The following SUGT1 variants were observed in gnomAD, a reference collection of about 807,000 sequenced individuals.
The protein encoded by SUGT1 is SGT1 assembly cochaperone of MIS12 kinetochore complex, also known as protein SGT1 homolog.
Under a neutral mutation model 56.1 loss-of-function variants are expected in SUGT1, and 15 were observed. The observed-to-expected ratio is 0.27, with a 90% CI of 0.18 to 0.41. SUGT1 has a LOEUF of 0.41. Among genes scored for constraint, SUGT1 ranks in the 10% least tolerant of loss-of-function variants. SUGT1 has a pLI of 1.00. For synonymous variants in SUGT1, 123 were observed against 128.6 expected, an observed-to-expected ratio of 0.96 and a Z score of 0.30; for missense variants, 347 against 382.2, an observed-to-expected ratio of 0.91 and a Z score of 0.77.
At chr13:52,686,441 A>C (rs1963592619) in intron 12 of SUGT1, among the ~76,000 whole-genome samples, 2 of 152,230 alleles carry the variant, frequency 1.3e-5, no homozygotes, top group Non-Finnish European at 2.9e-5. Flanking sequence ...ACTGTGACAC[A>C]TGTTATGTAA....
rs139474215 is a variant in SUGT1, at chr13:52,684,977, T to C, written c.901-2757T>C. ...TCTTCAGCTCCAAGTCTAGGATATA[T>C]GAGGCAAAAAGAAAACCCAGAATTT... On this transcript the variant is annotated intron_variant, in intron 12 of 12. Transcript: ENST00000310528. Among the ~76,000 whole-genome samples the C allele has an allele frequency of 2.0e-3, 309 of 151,596 alleles. 1 individual carries two copies. The highest frequency in any genetic ancestry group is 7.2e-3 in the African/African-American group (298 of 41,370).
At chr13:52,674,416 GAAAATA>G (rs1295454612) in intron 10 of SUGT1, among the ~76,000 whole-genome samples, 1 of 152,012 alleles carries the variant, frequency 6.6e-6, no homozygotes, top group East Asian at 1.9e-4. Context: ...TGCTCCAAAA[GAAAATA>G]AAAATAAACG....
chr13:52,678,387 G>A (rs1049254400), intron 11 of SUGT1, among the ~76,000 whole-genome samples: 1 of 152,096 alleles, frequency 6.6e-6, no homozygotes, highest in Non-Finnish European at 1.5e-5. Context: ...GAAAAACAGT[G>A]GATGTTAGTT....
rs1394611105 is a variant in SUGT1, at chr13:52,700,830, A to C, written c.*12995A>C. The C allele has an allele frequency of 6.6e-6, 1 of 152,226 alleles. No individual in the cohort carries two copies. The highest frequency in any genetic ancestry group is 1.5e-5 in the Non-Finnish European group (1 of 68,042). The allele number at this position is 152,226 out of a possible 1,614,324, so 9.4% of individuals were successfully genotyped here. ...ATTTAGCTTATACAGAAATAAAATT[A>C]AGTCAATCCACTCACAAAGAATTTC... On this transcript the variant is annotated 3_prime_UTR_variant, in exon 13 of 13. Coordinates refer to ENST00000310528, the MANE Select transcript of SUGT1 (RefSeq NM_006704.5).
intron 3 of SUGT1, chr13:52,658,081 T>G: frequency 8.0e-7 from 1 of 1,242,416 alleles, no homozygotes; most frequent in Non-Finnish European, 1.0e-6. Flanking sequence ...ATTTCTGTAT[T>G]TTGTACCTTC....
At position 52,692,412 on chromosome 13, in the gene SUGT1, CTT is replaced by C. The variant is rs35699591; in HGVS notation, c.*4593_*4594del. 438 of 140,206 alleles carry C rather than the reference CTT, an allele frequency of 3.1e-3. No homozygotes were observed. Among genetic ancestry groups the C allele is most frequent in the Middle Eastern group, 3.7e-3 (1 of 272 alleles). The allele number at this position is 140,206 out of a possible 1,614,324, so 8.7% of individuals were successfully genotyped here. The stretch of plus-strand genomic sequence containing the variant: ...GAATATTCAAGTTAAAGAACTAATT[CTT>C]TTTTTTTTTTTTTTTGAGACAGTCT... On this transcript the variant is annotated 3_prime_UTR_variant, in exon 13 of 13. Coordinates refer to ENST00000310528, the MANE Select transcript of SUGT1 (RefSeq NM_006704.5).
At chr13:52,666,616 C>G (rs1962714596) in intron 9 of SUGT1, among the ~76,000 whole-genome samples, 196 bp from the exon 10 acceptor site, 5 of 152,072 alleles carry the variant, frequency 3.3e-5, no homozygotes, top group Admixed American at 2.6e-4. Flanking sequence ...TATAAGAATT[C>G]ATGTCAAGGA....
At position 52,688,460 on chromosome 13, in the gene SUGT1, G is replaced by A. The variant is rs1205165529; in HGVS notation, c.*625G>A. The A allele has an allele frequency of 6.6e-6, 1 of 152,150 alleles. No homozygotes were observed. The highest frequency in any genetic ancestry group is 1.5e-5 in the Non-Finnish European group (1 of 68,022). The allele number at this position is 152,150 out of a possible 1,614,324, so 9.4% of individuals were successfully genotyped here. ...GTTTCTGTATAAAACATAGATACCTGAGTTTTAACACACTGCAAGTTTATA... is the reference window on the plus strand; with the variant it reads ...GTTTCTGTATAAAACATAGATACCTAAGTTTTAACACACTGCAAGTTTATA... On this transcript the variant is annotated 3_prime_UTR_variant, in exon 13 of 13. Coordinates refer to ENST00000310528, the MANE Select transcript of SUGT1 (RefSeq NM_006704.5).
In SUGT1 at chr13:52,699,136, C is replaced by G. The variant is rs1830414579; in HGVS notation, c.*11301C>G. On this transcript the variant is annotated 3_prime_UTR_variant, in exon 13 of 13. Transcript: ENST00000310528. ...TTGCTCCTTTGAAGGTTTTGTTTCCCTCTTAACACAGAAATTAAAAGGTAG... is the reference window on the plus strand; with the variant it reads ...TTGCTCCTTTGAAGGTTTTGTTTCCGTCTTAACACAGAAATTAAAAGGTAG... 1 of 152,112 alleles carries G rather than the reference C, an allele frequency of 6.6e-6. No homozygotes were observed. The allele number at this position is 152,112 out of a possible 1,614,324, so 9.4% of individuals were successfully genotyped here.
intron 10 of SUGT1, among the ~76,000 whole-genome samples, chr13:52,668,207 C>T (rs543082495): frequency 6.6e-6 from 1 of 152,156 alleles, no homozygotes; most frequent in African/African-American, 2.4e-5. Flanking sequence ...GTCTTGATCT[C>T]CTGACCACGT....
chr13:52,675,434 AGGAGT>A (rs1241004364), intron 10 of SUGT1, among the ~76,000 whole-genome samples: 1 of 152,104 alleles, frequency 6.6e-6, no homozygotes, highest in Non-Finnish European at 1.5e-5. Context: ...AACATTAGCC[AGGAGT>A]GGTGGCACTT....
At chr13:52,681,861 G>T (rs1402861091) in intron 12 of SUGT1, among the ~76,000 whole-genome samples, 1 of 150,538 alleles carries the variant, frequency 6.6e-6, no homozygotes, top group African/African-American at 2.4e-5. Flanking sequence ...GAGAGAGAGA[G>T]AGATAGAACA....
chr13:52,683,013 A>G (rs1963436916), intron 12 of SUGT1, among the ~76,000 whole-genome samples: 1 of 152,174 alleles, frequency 6.6e-6, no homozygotes, highest in Non-Finnish European at 1.5e-5. Flanking sequence ...TTTAATGTGG[A>G]CAATCATCTT....
Position 52,662,784 on chromosome 13 carries a change from T to C in SUGT1, c.382+82T>C. On this transcript the variant is annotated intron_variant, in intron 6 of 12. Coordinates refer to ENST00000310528, the MANE Select transcript of SUGT1 (RefSeq NM_006704.5). ...TTTTTTTGGTTTAAACAAATTTGTT[T>C]TTATCTTTATAATTTCTTTTAAATA... 1.4e-6 allele frequency: 2 copies of C among 1,398,226 alleles called. 1 individual carries two copies. The highest frequency in any genetic ancestry group is 2.5e-5 in the South Asian group (2 of 78,564). The allele number at this position is 1,398,226 out of a possible 1,614,324, so 86.6% of individuals were successfully genotyped here. A position where few individuals can be genotyped will look rare whatever the true frequency, so the allele number is the denominator to read the frequency against.
intron 7 of SUGT1, 90 bp downstream of exon 7, chr13:52,663,202 T>C: frequency 1.5e-6 from 2 of 1,340,004 alleles, no homozygotes; most frequent in Admixed American, 2.1e-5. Context: ...ATGAGCTGTC[T>C]GATATTTAAA....
chr13:52,670,794 CTGAG>C (rs1962904304), intron 10 of SUGT1, among the ~76,000 whole-genome samples: 1 of 152,134 alleles, frequency 6.6e-6, no homozygotes, highest in African/African-American at 2.4e-5. Context: ...GCCTGGGTGA[CTGAG>C]TGAGACTCCG....
chr13:52,691,439 AG>A lies in SUGT1; in HGVS notation c.*3605del, dbSNP rs1337586576. 2 of 152,150 alleles carry A rather than the reference AG, an allele frequency of 1.3e-5. No homozygotes were observed. The highest frequency in any genetic ancestry group is 4.8e-5 in the African/African-American group (2 of 41,420). 9.4% of individuals were successfully genotyped at this position (152,150 alleles called of 1,614,324 possible). On this transcript the variant is annotated 3_prime_UTR_variant, in exon 13 of 13. Transcript: ENST00000310528. The stretch of plus-strand genomic sequence containing the variant: ...TTCCTTCCTCAGTTATCTACATATC[AG>A]ATTAGATTATTGATATCTGAGATAT...
intron 10 of SUGT1, among the ~76,000 whole-genome samples, chr13:52,667,873 A>C (rs1312076400): frequency 6.6e-6 from 1 of 152,206 alleles, no homozygotes; most frequent in Admixed American, 6.5e-5. Flanking sequence ...CTGTGGACCA[A>C]ATGAACTCTG....
intron 11 of SUGT1, among the ~76,000 whole-genome samples, chr13:52,678,305 T>TTGTG (rs922044519): frequency 6.6e-6 from 1 of 151,798 alleles, no homozygotes; most frequent in Non-Finnish European, 1.5e-5. Context: ...TGTGTTGGTG[T>TTGTG]TGTGTGTGTT....
Sources: gnomAD v4.1 joint callset for allele counts (sites outside exome capture counted in the v4.1 genomes callset) on GRCh38, gnomAD v4.1.1 for gene constraint, MANE v1.5 for transcripts, NCBI Gene and HGNC (gene_info 2026-07-23, HGNC 2026-07-21) for gene names.